RASGRP3: variants seen among roughly 807,000 people sequenced by gnomAD.
The protein encoded by RASGRP3 is ras guanyl-releasing protein 3.
Under a neutral mutation model 82.7 loss-of-function variants are expected in RASGRP3, and 54 were observed. The ratio of observed to expected loss-of-function variants is 0.65; its 90% CI spans 0.52 to 0.82. RASGRP3 has a LOEUF of 0.82. RASGRP3 is among the 40% of genes least tolerant of loss of function. The probability of loss-of-function intolerance (pLI) is 0.00; values close to 1 mark genes in which losing one functional copy is unlikely to be tolerated. For missense variants in RASGRP3, 861 were observed against 828.9 expected (o/e 1.04, Z -0.48); for synonymous variants, 309 against 300.5 (o/e 1.03, Z -0.29).
In RASGRP3 at chr2:33,558,717, G is replaced by C; in HGVS notation, c.1751G>C (p.Arg584Thr). 6.2e-7 allele frequency: 1 copy of C among 1,613,428 alleles called. No homozygotes were observed. Among genetic ancestry groups the C allele is most frequent in the Non-Finnish European group, 8.5e-7 (1 of 1,179,722 alleles). ...FEFPGVTAGHRDLDSRAITLV... is the reference protein window; with the variant it reads ...FEFPGVTAGHTDLDSRAITLV... ...TTCCCTGGAGTCACTGCTGGACACA[G>C]GGATTTAGACAGCAGAGCCATCACA... is the stretch of plus-strand genomic sequence containing the variant. The change falls in exon 17 of 18, where the codon AGG (arginine) becomes ACG (threonine). Residue 584 changes from arginine (R) to threonine (T), a missense_variant. Arg to Thr is a moderately conservative substitution (Grantham distance 71). Coordinates refer to ENST00000403687, the MANE Select transcript of RASGRP3 (RefSeq NM_001139488.2).
chr2:33,470,472 C>T (rs900032587), intron 2 of RASGRP3, among the ~76,000 whole-genome samples: 21 of 151,358 alleles, frequency 1.4e-4, no homozygotes, highest in African/African-American at 3.4e-4. Context: ...CTCCGCCTGA[C>T]GGGTTCACGC....
intron 2 of RASGRP3, among the ~76,000 whole-genome samples, chr2:33,451,232 T>C (rs1665783559): frequency 6.6e-6 from 1 of 152,206 alleles, no homozygotes; most frequent in Non-Finnish European, 1.5e-5. Context: ...TCAGGTCCTT[T>C]ATCCATTTTA....
At chr2:33,495,621 G>A (rs1270148899) in intron 1 of RASGRP3, among the ~76,000 whole-genome samples, 2 of 152,212 alleles carry the variant, frequency 1.3e-5, no homozygotes, top group African/African-American at 2.4e-5. Flanking sequence ...ACGAGGCATG[G>A]TGCCTCATGC....
intron 1 of RASGRP3, among the ~76,000 whole-genome samples, chr2:33,498,621 C>T (rs1669552880): frequency 6.6e-6 from 1 of 152,160 alleles, no homozygotes; most frequent in African/African-American, 2.4e-5. Flanking sequence ...ACCTCACCAT[C>T]CTCTGAGCAT....
At chr2:33,548,088 G>A (rs1175978106) in intron 13 of RASGRP3, among the ~76,000 whole-genome samples, 8 of 152,184 alleles carry the variant, frequency 5.3e-5, no homozygotes, top group Non-Finnish European at 1.2e-4. Context: ...AGGGCTGGGC[G>A]CGGTGGCTCA....
At chr2:33,528,831 C>A (rs1402246817) in intron 10 of RASGRP3, among the ~76,000 whole-genome samples, 2 of 152,204 alleles carry the variant, frequency 1.3e-5, no homozygotes, top group South Asian at 2.1e-4. Context: ...AATATACAGA[C>A]TTTCTCTACT....
chr2:33,450,152 C>T (rs905309660), intron 2 of RASGRP3, among the ~76,000 whole-genome samples: 3 of 152,148 alleles, frequency 2.0e-5, no homozygotes, highest in Admixed American at 6.5e-5. Context: ...TGATGTAAAA[C>T]ATGATGTTTT....
intron 1 of RASGRP3, among the ~76,000 whole-genome samples, chr2:33,483,214 A>G (rs1475968704): frequency 1.3e-5 from 2 of 152,094 alleles, no homozygotes; most frequent in African/African-American, 2.4e-5. Flanking sequence ...ATTTGAATAG[A>G]TTGGTAATTT....
At chr2:33,480,697 A>G (rs1319574656) in intron 1 of RASGRP3, among the ~76,000 whole-genome samples, 1 of 152,230 alleles carries the variant, frequency 6.6e-6, no homozygotes, top group East Asian at 1.9e-4. Flanking sequence ...TGTGTGTTTC[A>G]AAGACATCTG....
intron 4 of RASGRP3, among the ~76,000 whole-genome samples, chr2:33,519,436 G>A (rs1038129780): frequency 7.9e-5 from 12 of 152,132 alleles, no homozygotes; most frequent in African/African-American, 2.2e-4. Flanking sequence ...CTAACACGGC[G>A]AAACCCCGTC....
At chr2:33,507,457 G>GGAT (rs907723757) in intron 1 of RASGRP3, among the ~76,000 whole-genome samples, 22 of 152,212 alleles carry the variant, frequency 1.4e-4, no homozygotes, top group African/African-American at 4.8e-4. Flanking sequence ...GGGAAGGTGG[G>GGAT]GATCATAGGA....
intron 2 of RASGRP3, among the ~76,000 whole-genome samples, chr2:33,463,432 A>G (rs943376791): frequency 9.9e-5 from 15 of 152,160 alleles, no homozygotes; most frequent in Admixed American, 5.2e-4. Flanking sequence ...AGACAGGGAA[A>G]AGAAAGAGAA....
chr2:33,520,115 T>A, intron 5 of RASGRP3, 101 bp downstream of exon 5: 1 of 927,804 alleles, frequency 1.1e-6, no homozygotes, highest in Non-Finnish European at 1.7e-6. Flanking sequence ...CAACAGACTC[T>A]ACTCTGATAC....
At chr2:33,470,847 G>T (rs574942616) in intron 2 of RASGRP3, among the ~76,000 whole-genome samples, 2 of 152,030 alleles carry the variant, frequency 1.3e-5, no homozygotes, top group Admixed American at 1.3e-4. Flanking sequence ...GCAAATTTTA[G>T]TTTGTTCTAT....
chr2:33,473,566 C>T (rs114960214), upstream of RASGRP3, among the ~76,000 whole-genome samples: 1,555 of 152,250 alleles, frequency 0.01, 24 homozygotes, highest in African/African-American at 0.037. Context: ...GGCCTCTTGA[C>T]AGGAAGAGGG....
intron 12 of RASGRP3, among the ~76,000 whole-genome samples, chr2:33,543,006 T>C (rs1674414874): frequency 6.6e-6 from 1 of 152,272 alleles, no homozygotes; most frequent in East Asian, 1.9e-4. Flanking sequence ...GTTTTATTTT[T>C]AATTTTATTT....
intron 1 of RASGRP3, among the ~76,000 whole-genome samples, chr2:33,491,543 A>C (rs2150959795): frequency 6.6e-6 from 1 of 152,350 alleles, no homozygotes; most frequent in East Asian, 1.9e-4. Flanking sequence ...GCTTTTTAAT[A>C]TCCTGTGGAG....
intron 3 of RASGRP3, 112 bp downstream of exon 3, chr2:33,515,318 T>A: frequency 8.6e-7 from 1 of 1,169,212 alleles, no homozygotes; most frequent in Non-Finnish European, 1.3e-6. Context: ...CCTTGGTATT[T>A]AAGGCCTTTC....
At chr2:33,527,007 C>A in intron 9 of RASGRP3, 130 bp from the exon 10 acceptor site, 1 of 954,940 alleles carries the variant, frequency 1.0e-6, no homozygotes. Flanking sequence ...TTCATATTTC[C>A]CTGCAGCAAC....
Sources: allele counts gnomAD v4.1 joint callset (sites outside exome capture counted in the v4.1 genomes callset), GRCh38; gene constraint gnomAD v4.1.1; transcripts MANE v1.5; gene names NCBI Gene and HGNC (gene_info 2026-07-23, HGNC 2026-07-21).